The following PPARGC1B variants were observed in gnomAD, a reference collection of about 807,000 sequenced individuals.
PPARGC1B encodes the protein PPARG coactivator 1 beta.
A neutral mutation model predicts 101.6 loss-of-function variants in PPARGC1B; 34 were observed. That is an observed-to-expected ratio of 0.33 (90% CI 0.25 to 0.45). The LOEUF (loss-of-function observed/expected upper bound fraction) is 0.45. Among genes scored for constraint, PPARGC1B ranks in the 20% least tolerant of loss-of-function variants. The pLI is 1.00. For missense variants in PPARGC1B, 1,234 were observed against 1,317.6 expected (o/e 0.94, Z 0.98); for synonymous variants, 548 against 539.3 (o/e 1.02, Z -0.22).
At chr5:149,815,987 G>A (rs1286010069) in intron 1 of PPARGC1B, among the ~76,000 whole-genome samples, 4 of 152,128 alleles carry the variant, frequency 2.6e-5, no homozygotes, top group South Asian at 4.1e-4. Flanking sequence ...TAATAGCAGC[G>A]GCTGTTAGTT....
chr5:149,749,564 A>C (rs1755212845), intron 1 of PPARGC1B, among the ~76,000 whole-genome samples: 1 of 152,224 alleles, frequency 6.6e-6, no homozygotes. Flanking sequence ...ATGATTTTGC[A>C]ACAGTTGCAA....
At chr5:149,783,215 A>G (rs570225363) in intron 1 of PPARGC1B, among the ~76,000 whole-genome samples, 9 of 152,356 alleles carry the variant, frequency 5.9e-5, no homozygotes, top group African/African-American at 2.2e-4. Flanking sequence ...TAAGATGTGC[A>G]GCCATCAATG....
At chr5:149,828,783 A>G (rs1561600016) in intron 3 of PPARGC1B, among the ~76,000 whole-genome samples, 1 of 152,210 alleles carries the variant, frequency 6.6e-6, no homozygotes, top group Non-Finnish European at 1.5e-5. Flanking sequence ...ACAGTGGCTT[A>G]TACCTGTAAT....
At chr5:149,753,974 G>T (rs752970611) in intron 1 of PPARGC1B, among the ~76,000 whole-genome samples, 1 of 152,190 alleles carries the variant, frequency 6.6e-6, no homozygotes. Context: ...GATTACAGGC[G>T]TGAGCCACCG....
intron 1 of PPARGC1B, among the ~76,000 whole-genome samples, chr5:149,775,053 C>A (rs192118448): frequency 2.4e-4 from 37 of 152,102 alleles, no homozygotes; most frequent in Non-Finnish European, 4.7e-4. Context: ...CCCCTTCTCC[C>A]TTTGGTGGGC....
chr5:149,816,376 A>G (rs1157221002), intron 1 of PPARGC1B, among the ~76,000 whole-genome samples: 2 of 152,234 alleles, frequency 1.3e-5, no homozygotes, highest in East Asian at 3.8e-4. Flanking sequence ...ACCCCGAACA[A>G]ATCCATTATC....
intron 1 of PPARGC1B, among the ~76,000 whole-genome samples, chr5:149,765,187 A>G (rs1755863521): frequency 6.6e-6 from 1 of 152,254 alleles, no homozygotes; most frequent in Non-Finnish European, 1.5e-5. Flanking sequence ...CAGCTTGTTA[A>G]AGGAGGCGAG....
intron 1 of PPARGC1B, among the ~76,000 whole-genome samples, chr5:149,757,196 C>T (rs1755561744): frequency 6.6e-6 from 1 of 152,178 alleles, no homozygotes; most frequent in Non-Finnish European, 1.5e-5. Context: ...AGAAAGGAAG[C>T]AACCTTCTGG....
intron 1 of PPARGC1B, among the ~76,000 whole-genome samples, chr5:149,795,859 C>T (rs760706118): frequency 8.5e-5 from 13 of 152,072 alleles, no homozygotes; most frequent in Non-Finnish European, 1.8e-4. Context: ...AGTCAGACTT[C>T]CCTTAACCCA....
intron 1 of PPARGC1B, among the ~76,000 whole-genome samples, chr5:149,818,169 A>G: frequency 1.3e-5 from 2 of 152,230 alleles, no homozygotes; most frequent in South Asian, 2.1e-4. Flanking sequence ...AGATTGAGGA[A>G]GCACCTGTGT....
chr5:149,809,338 A>G lies in PPARGC1B; in HGVS notation c.79-11095A>G, dbSNP rs1490141912. Among the ~76,000 whole-genome samples, 6 of 113,904 alleles carry G rather than the reference A, an allele frequency of 5.3e-5. 1 individual carries two copies. The highest frequency in any genetic ancestry group is 3.6e-4 in the South Asian group (1 of 2,816). 74.7% of individuals were successfully genotyped at this position (113,904 alleles called of 152,430 possible). ...GATAGATAGATAGATAGATAGATAG[A>G]TCCATCTCTACCATAGATAGATAGA... On this transcript the variant is annotated intron_variant, in intron 1 of 11. Coordinates refer to ENST00000309241, the MANE Select transcript of PPARGC1B (RefSeq NM_133263.4).
At chr5:149,732,099 C>T (rs1444520896) in intron 1 of PPARGC1B, among the ~76,000 whole-genome samples, 1 of 151,918 alleles carries the variant, frequency 6.6e-6, no homozygotes, top group African/African-American at 2.4e-5. Context: ...GCGCGCCGGG[C>T]GCGTACCTTT....
Position 149,784,560 on chromosome 5 carries a change from C to CTTTTTTTTTTTT in PPARGC1B, c.79-35861_79-35850dup, listed in dbSNP as rs72364863. On this transcript the variant is annotated intron_variant, in intron 1 of 11. Coordinates refer to ENST00000309241, the MANE Select transcript of PPARGC1B (RefSeq NM_133263.4). ...AGCCTCACTCCAGCCAACTGAGTTT[C>CTTTTTTTTTTTT]TTTTTTTTTTTTTTTTTTTTTTTCT... is the stretch of plus-strand genomic sequence containing the variant. 1.8e-4 allele frequency among the ~76,000 whole-genome samples: 14 copies of CTTTTTTTTTTTT among 75,704 alleles called. 3 individuals carry two copies. The highest frequency in any genetic ancestry group is 2.8e-4 in the Non-Finnish European group (12 of 42,372). 49.7% of individuals were successfully genotyped at this position (75,704 alleles called of 152,430 possible).
chr5:149,734,952 G>A (rs1200142059), intron 1 of PPARGC1B, among the ~76,000 whole-genome samples: 2 of 152,148 alleles, frequency 1.3e-5, no homozygotes, highest in East Asian at 1.9e-4. Context: ...CTAAAGCTGG[G>A]ACTGAGCACC....
At position 149,832,621 on chromosome 5, in the gene PPARGC1B, C is replaced by T; in HGVS notation, c.583-35C>T. 6.7e-7 allele frequency: 1 copy of T among 1,483,958 alleles called. No homozygotes were observed. Among genetic ancestry groups the T allele is most frequent in the Non-Finnish European group, 9.0e-7 (1 of 1,105,136 alleles). 91.9% of individuals were successfully genotyped at this position (1,483,958 alleles called of 1,614,324 possible). On this transcript the variant is annotated intron_variant, in intron 4 of 11. Coordinates refer to ENST00000309241, the MANE Select transcript of PPARGC1B (RefSeq NM_133263.4). The surrounding 1 kb of genome is among the most constrained non-coding windows in gnomAD (Gnocchi z 4.9). ...GAGACACATGGGAGGAGTGTTTGGG[C>T]CTCCTTCCTCACTCTGGCCTCTCTC...
In PPARGC1B at chr5:149,832,620, GCCT is replaced by G; in HGVS notation, c.583-32_583-30del. ...TGAGACACATGGGAGGAGTGTTTGG[GCCT>G]CCTTCCTCACTCTGGCCTCTCTCCC... On this transcript the variant is annotated intron_variant, in intron 4 of 11. Coordinates refer to ENST00000309241, the MANE Select transcript of PPARGC1B (RefSeq NM_133263.4). The surrounding 1 kb of genome is among the most constrained non-coding windows in gnomAD (Gnocchi z 4.9). 1 of 1,483,038 alleles carries G rather than the reference GCCT, an allele frequency of 6.7e-7. No homozygotes were observed. The highest frequency in any genetic ancestry group is 9.1e-7 in the Non-Finnish European group (1 of 1,104,234). 91.9% of individuals were successfully genotyped at this position (1,483,038 alleles called of 1,614,324 possible).
intron 1 of PPARGC1B, among the ~76,000 whole-genome samples, chr5:149,811,003 G>A (rs995371577): frequency 2.7e-4 from 41 of 152,272 alleles, no homozygotes; most frequent in East Asian, 1.2e-3. Context: ...TGGAAACTAC[G>A]GCTGGGAGGT....
intron 1 of PPARGC1B, among the ~76,000 whole-genome samples, chr5:149,778,956 A>G (rs1365440730): frequency 6.6e-6 from 1 of 152,216 alleles, no homozygotes; most frequent in East Asian, 1.9e-4. Context: ...TCTGTGTTTG[A>G]GAGGGAGTTT....
chr5:149,842,170 C>G (rs1190234717), intron 9 of PPARGC1B, 86 bp from the exon 10 acceptor site: 6 of 1,537,646 alleles, frequency 3.9e-6, no homozygotes, highest in Non-Finnish European at 5.3e-6. Flanking sequence ...TGGACTAGGA[C>G]AAGGACTCCA....
Sources: allele counts gnomAD v4.1 joint callset (sites outside exome capture counted in the v4.1 genomes callset), GRCh38; gene constraint gnomAD v4.1.1; non-coding constraint Gnocchi (gnomAD v3.1); transcripts MANE v1.5; gene names NCBI Gene and HGNC (gene_info 2026-07-23, HGNC 2026-07-21).